Variants in ITPK1 observed in about 807,000 individuals in gnomAD.
ITPK1 encodes inositol 1,3,4-trisphosphate 5/6-kinase.
In ITPK1, 21 loss-of-function variants were observed where a neutral mutation model predicts 45.3. The ratio of observed to expected loss-of-function variants is 0.46; its 90% CI spans 0.33 to 0.67. The LOEUF (loss-of-function observed/expected upper bound fraction) is 0.67. ITPK1 is among the 30% of genes least tolerant of loss of function. The probability of loss-of-function intolerance (pLI) is 0.02; values close to 1 mark genes in which losing one functional copy is unlikely to be tolerated. For missense variants in ITPK1, 474 were observed against 573.5 expected (o/e 0.83, Z 1.77); for synonymous variants, 258 against 253.6 (o/e 1.02, Z -0.16).
chr14:93,004,806 G>C (rs1194072630), intron 4 of ITPK1, among the ~76,000 whole-genome samples: 2 of 151,288 alleles, frequency 1.3e-5, no homozygotes, highest in African/African-American at 2.4e-5. Flanking sequence ...TTGGGGGCTG[G>C]GGAGGAGCCT....
At chr14:93,099,509 C>T (rs993444583) in intron 2 of ITPK1, among the ~76,000 whole-genome samples, 1 of 152,124 alleles carries the variant, frequency 6.6e-6, no homozygotes, top group Non-Finnish European at 1.5e-5. Flanking sequence ...TCCCAAGGCC[C>T]GGAAAAACCC....
chr14:93,058,282 C>T (rs865853240), intron 3 of ITPK1, among the ~76,000 whole-genome samples: 8 of 150,540 alleles, frequency 5.3e-5, no homozygotes, highest in African/African-American at 1.7e-4. Flanking sequence ...AGTGGCCATG[C>T]GGGACTCTGG....
At chr14:93,054,976 G>A (rs893023104) in intron 3 of ITPK1, among the ~76,000 whole-genome samples, 12 of 152,106 alleles carry the variant, frequency 7.9e-5, no homozygotes, top group African/African-American at 2.7e-4. Flanking sequence ...ATTCCCACCC[G>A]GCACCTTGTC....
intron 3 of ITPK1, among the ~76,000 whole-genome samples, chr14:93,037,794 A>C (rs1200295842): frequency 6.6e-6 from 1 of 152,244 alleles, no homozygotes; most frequent in African/African-American, 2.4e-5. Flanking sequence ...AAAGTAATAC[A>C]GCTTTTCAAA....
At chr14:93,048,063 T>C (rs911336365) in intron 3 of ITPK1, among the ~76,000 whole-genome samples, 2 of 152,228 alleles carry the variant, frequency 1.3e-5, no homozygotes, top group South Asian at 2.1e-4. Context: ...GATTTTTCTT[T>C]CATATTGACA....
rs545547470 is a variant in ITPK1, at chr14:93,090,786, A to G, written c.96-14167T>C. Among the ~76,000 whole-genome samples, 77 of 151,952 alleles carry G rather than the reference A, an allele frequency of 5.1e-4. 2 individuals carry two copies. Among genetic ancestry groups the G allele is most frequent in the East Asian group, 4.1e-3 (21 of 5,170 alleles). On this transcript the variant is annotated intron_variant, in intron 2 of 10. Coordinates refer to ENST00000267615, the MANE Select transcript of ITPK1 (RefSeq NM_014216.6). The stretch of plus-strand genomic sequence containing the variant: ...ATGTATTTTTTTTTTCTTTTTGCTT[A>G]AACTCATCTGAATTGGATTTTCTGC...
chr14:93,074,839 C>T (rs1211683668), intron 3 of ITPK1, among the ~76,000 whole-genome samples: 1 of 152,148 alleles, frequency 6.6e-6, no homozygotes, highest in Non-Finnish European at 1.5e-5. Flanking sequence ...TGAATAACCA[C>T]ACCTCCTCTT....
intron 8 of ITPK1, among the ~76,000 whole-genome samples, chr14:92,954,741 C>CCT (rs755204562): frequency 6.7e-6 from 1 of 148,722 alleles, no homozygotes; most frequent in African/African-American, 2.5e-5. Context: ...TCCTTCATCT[C>CCT]CTCTCTCTCT....
chr14:93,084,151 G>C (rs1033122349), intron 2 of ITPK1, among the ~76,000 whole-genome samples: 1 of 152,218 alleles, frequency 6.6e-6, no homozygotes, highest in Non-Finnish European at 1.5e-5. Flanking sequence ...AAGCACATGA[G>C]GCTGCCACCC....
intron 3 of ITPK1, among the ~76,000 whole-genome samples, chr14:93,039,473 T>A (rs1163562333): frequency 6.6e-6 from 1 of 152,088 alleles, no homozygotes; most frequent in Non-Finnish European, 1.5e-5. Context: ...CAAGACCCCT[T>A]GTCTACAAAA....
In ITPK1 at chr14:92,938,188, G is replaced by T; in HGVS notation, c.*3373C>A. The stretch of plus-strand genomic sequence containing the variant: ...TTGGCCAGGATGGTGTCGATCTCTT[G>T]ACCTTGTGATCCACCTGCCTCAGCC... On this transcript the variant is annotated 3_prime_UTR_variant, in exon 11 of 11. Coordinates refer to ENST00000267615, the MANE Select transcript of ITPK1 (RefSeq NM_014216.6). 2.0e-6 allele frequency: 1 copy of T among 495,548 alleles called. No individual in the cohort carries two copies. The allele number at this position is 495,548 out of a possible 1,614,324, so 30.7% of individuals were successfully genotyped here. A position where few individuals can be genotyped will look rare whatever the true frequency, so the allele number is the denominator to read the frequency against.
chr14:92,978,218 G>C (rs1886044693), intron 5 of ITPK1, among the ~76,000 whole-genome samples: 1 of 151,964 alleles, frequency 6.6e-6, no homozygotes, highest in Admixed American at 6.5e-5. Context: ...AGATGGTTTA[G>C]GGTATCTGGT....
chr14:92,996,634 G>A (rs1330850731), intron 4 of ITPK1, among the ~76,000 whole-genome samples: 1 of 152,018 alleles, frequency 6.6e-6, no homozygotes, highest in East Asian at 1.9e-4. Context: ...AGTGCTCAGG[G>A]CATTATGTGG....
At chr14:93,072,675 C>T (rs1354196339) in intron 3 of ITPK1, among the ~76,000 whole-genome samples, 4 of 149,882 alleles carry the variant, frequency 2.7e-5, no homozygotes, top group African/African-American at 9.9e-5. Context: ...AGTGCAGTGG[C>T]ACGATCTCAG....
At position 93,053,980 on chromosome 14, in the gene ITPK1, T is replaced by C. The variant is rs373739967; in HGVS notation, c.120+22615A>G. Reference sequence around the variant, plus strand: ...TAGATGGAGGGAAGTCAGACTGAAGTAGGGAGAGATGGGGTCGGGGAAGGA... The same window carrying C: ...TAGATGGAGGGAAGTCAGACTGAAGCAGGGAGAGATGGGGTCGGGGAAGGA... On this transcript the variant is annotated intron_variant, in intron 3 of 10. Coordinates refer to ENST00000267615, the MANE Select transcript of ITPK1 (RefSeq NM_014216.6). Among the ~76,000 whole-genome samples the C allele has an allele frequency of 1.1e-4, 16 of 152,240 alleles. No homozygotes were observed. The South Asian group carries it at 3.3e-3, about 32-fold the overall frequency.
intron 2 of ITPK1, among the ~76,000 whole-genome samples, chr14:93,085,980 A>C (rs74072557): frequency 0.11 from 16,773 of 150,854 alleles, 1,181 homozygotes; most frequent in African/African-American, 0.18. Context: ...CCTCCCCGCT[A>C]CCCCCACTCC....
At chr14:93,006,524 C>T (rs1220714793) in intron 4 of ITPK1, among the ~76,000 whole-genome samples, 1 of 152,200 alleles carries the variant, frequency 6.6e-6, no homozygotes, top group Non-Finnish European at 1.5e-5. Flanking sequence ...CTCCTGTGGC[C>T]TGCAGGTCAC....
intron 2 of ITPK1, among the ~76,000 whole-genome samples, chr14:93,111,260 G>A (rs1337532390): frequency 6.6e-6 from 1 of 152,210 alleles, no homozygotes; most frequent in African/African-American, 2.4e-5. Context: ...GAGGAGAGGA[G>A]GAGGCACAGA....
chr14:93,037,614 C>T (rs975061775), intron 3 of ITPK1, among the ~76,000 whole-genome samples: 1 of 152,104 alleles, frequency 6.6e-6, no homozygotes, highest in South Asian at 2.1e-4. Context: ...CTGGCGAGCC[C>T]GGGGCTGAGA....
Sources: allele counts gnomAD v4.1 joint callset (sites outside exome capture counted in the v4.1 genomes callset), GRCh38; gene constraint gnomAD v4.1.1; transcripts MANE v1.5; gene names NCBI Gene and HGNC (gene_info 2026-07-23, HGNC 2026-07-21).